The following GRB10 variants were observed in gnomAD, a reference collection of about 807,000 sequenced individuals.
GRB10 encodes the protein growth factor receptor bound protein 10, also known as growth factor receptor-bound protein 10.
Under a neutral mutation model 80.9 loss-of-function variants are expected in GRB10, and 20 were observed. That is an observed-to-expected ratio of 0.25 (90% CI 0.17 to 0.36). The LOEUF (loss-of-function observed/expected upper bound fraction) is 0.36. Ranked by LOEUF, GRB10 falls within the 10% of genes least tolerant of loss-of-function variation. The probability of loss-of-function intolerance (pLI) is 1.00; values close to 1 mark genes in which losing one functional copy is unlikely to be tolerated. For missense variants in GRB10, 548 were observed against 747.7 expected, an observed-to-expected ratio of 0.73 and a Z score of 3.12; for synonymous variants, 291 against 291.5, an observed-to-expected ratio of 1.00 and a Z score of 0.02.
chr7:50,669,419 G>C (rs1361149429), intron 7 of GRB10, among the ~76,000 whole-genome samples: 1 of 152,130 alleles, frequency 6.6e-6, no homozygotes, highest in Non-Finnish European at 1.5e-5. Context: ...GATCTCGTGA[G>C]AACTTACTAT....
chr7:50,745,614 A>G (rs989511280), intron 3 of GRB10, among the ~76,000 whole-genome samples: 1 of 152,246 alleles, frequency 6.6e-6, no homozygotes, highest in African/African-American at 2.4e-5. Context: ...GCCTAAAAAT[A>G]GTGAATTTCA....
Position 50,604,439 on chromosome 7 carries a change from A to G in GRB10, c.1390-62T>C, listed in dbSNP as rs114852605. ...AGACAGACACACCAAGTCACCCAAT[A>G]TGTCCAAGCTCATGGCAGGCCACTG... On this transcript the variant is annotated intron_variant, in intron 15 of 18. Transcript: ENST00000401949. 3.3e-3 allele frequency: 4,558 copies of G among 1,385,844 alleles called. 106 individuals carry two copies. In the African/African-American group the frequency reaches 0.052, roughly 16 times the overall value. The allele number at this position is 1,385,844 out of a possible 1,614,324, so 85.8% of individuals were successfully genotyped here.
At chr7:50,669,559 G>A (rs1354006514) in intron 7 of GRB10, among the ~76,000 whole-genome samples, 163 bp downstream of exon 7, 1 of 152,152 alleles carries the variant, frequency 6.6e-6, no homozygotes, top group African/African-American at 2.4e-5. Flanking sequence ...AAACTGTATC[G>A]GCCTCATAGG....
chr7:50,603,866 C>T (rs568670092), intron 17 of GRB10, 132 bp downstream of exon 17: 42 of 847,064 alleles, frequency 5.0e-5, no homozygotes, highest in Non-Finnish European at 7.6e-5. Flanking sequence ...TCTAGCCTAC[C>T]TTTTCTCCTC....
At chr7:50,649,993 G>T (rs1476866579) in intron 7 of GRB10, among the ~76,000 whole-genome samples, 1 of 152,184 alleles carries the variant, frequency 6.6e-6, no homozygotes, top group African/African-American at 2.4e-5. Flanking sequence ...TGAGCAGAGA[G>T]ATGGCATCTG....
intron 3 of GRB10, among the ~76,000 whole-genome samples, chr7:50,744,141 T>C (rs2072411638): frequency 6.6e-6 from 1 of 151,848 alleles, no homozygotes. Context: ...AGACACACTG[T>C]GGAACAGGTC....
rs1563177997 is a variant in GRB10 at position 50,619,232 on chromosome 7, T to C, written c.715A>G (p.Ser239Gly). 1 of 1,613,862 alleles carries C rather than the reference T, an allele frequency of 6.2e-7. No individual in the cohort carries two copies. Among genetic ancestry groups the C allele is most frequent in the Non-Finnish European group, 8.5e-7 (1 of 1,179,870 alleles). ...TTCCTGAATAGAAATTTACTCTCACTGGCCATGGTACTCTCCACCTGGACC... is the reference window on the plus strand; with the variant it reads ...TTCCTGAATAGAAATTTACTCTCACCGGCCATGGTACTCTCCACCTGGACC... ...LVVQVESTMA[S>G]ESKFLFRKNY... Residue 239 changes from serine (S) to glycine (G), a missense_variant, in exon 9 of 19, where the codon AGT (serine) becomes GGT (glycine). Coordinates refer to ENST00000401949, the MANE Select transcript of GRB10 (RefSeq NM_001350814.2).
intron 18 of GRB10, among the ~76,000 whole-genome samples, chr7:50,594,129 G>A (rs7793022): frequency 0.19 from 28,380 of 152,172 alleles, 3,035 homozygotes; most frequent in East Asian, 0.46. Flanking sequence ...CCCTAGGACA[G>A]TAATTCCTGT....
chr7:50,648,797 C>T (rs1466336015), intron 7 of GRB10, among the ~76,000 whole-genome samples: 7 of 152,148 alleles, frequency 4.6e-5, no homozygotes, highest in African/African-American at 1.7e-4. Context: ...GTCCCAGGTC[C>T]TTTTCTTTGA....
chr7:50,792,581 C>A (rs1285053901), intron 1 of GRB10: 3 of 398,048 alleles, frequency 7.5e-6, no homozygotes, highest in South Asian at 1.3e-4. Flanking sequence ...GGCTGGCGGG[C>A]GGCTAATCCG....
At chr7:50,739,320 C>T (rs1237624579) in intron 3 of GRB10, among the ~76,000 whole-genome samples, 2 of 152,226 alleles carry the variant, frequency 1.3e-5, no homozygotes, top group Non-Finnish European at 2.9e-5. Flanking sequence ...ACTCTAGAGT[C>T]TAGCAGACTG....
chr7:50,595,582 ATC>A (rs67197412), intron 17 of GRB10, 52 bp from the exon 18 acceptor site: 82,831 of 820,358 alleles, frequency 0.1, 5,345 homozygotes, highest in South Asian at 0.13. Flanking sequence ...TCTGGAACTA[ATC>A]ACACACACAC....
chr7:50,691,990 C>T (rs183328031), intron 5 of GRB10, among the ~76,000 whole-genome samples: 1 of 152,236 alleles, frequency 6.6e-6, no homozygotes, highest in East Asian at 1.9e-4. Flanking sequence ...ATACAGTTAG[C>T]CCCCCATATC....
At chr7:50,792,253 CTT>C (rs556439911) in intron 1 of GRB10, among the ~76,000 whole-genome samples, 5 of 151,124 alleles carry the variant, frequency 3.3e-5, no homozygotes, top group Admixed American at 6.6e-5. Flanking sequence ...CCCCCCATCT[CTT>C]GAATGAAACT....
chr7:50,705,194 A>G, intron 4 of GRB10: 1 of 985,722 alleles, frequency 1.0e-6, no homozygotes, highest in Non-Finnish European at 1.2e-6. Context: ...GACCACTCAC[A>G]ATGGGGGGAA....
At chr7:50,682,865 A>G (rs139635734) in intron 5 of GRB10, among the ~76,000 whole-genome samples, 63 of 152,358 alleles carry the variant, frequency 4.1e-4, no homozygotes, top group African/African-American at 1.5e-3. Flanking sequence ...AAATGTTGCA[A>G]TGGGGAAATT....
At chr7:50,682,378 G>A (rs1018139130) in intron 5 of GRB10, among the ~76,000 whole-genome samples, 10 of 152,226 alleles carry the variant, frequency 6.6e-5, no homozygotes, top group African/African-American at 2.4e-4. Context: ...CAGGCTCTGG[G>A]ATTTAGGTGG....
At chr7:50,617,755 G>A (rs376161192) in intron 10 of GRB10, 50 of 447,886 alleles carry the variant, frequency 1.1e-4, no homozygotes, top group Admixed American at 1.9e-4. Flanking sequence ...GGAGCCCTGA[G>A]ACTGGGGTTT....
chr7:50,726,117 G>A (rs147867763), intron 4 of GRB10: 66 of 152,312 alleles, frequency 4.3e-4, no homozygotes, highest in African/African-American at 1.5e-3. Context: ...ACACAGGCTG[G>A]GTGCAGTGGC....
Sources: allele counts gnomAD v4.1 joint callset (sites outside exome capture counted in the v4.1 genomes callset), GRCh38; gene constraint gnomAD v4.1.1; transcripts MANE v1.5; gene names NCBI Gene and HGNC (gene_info 2026-07-23, HGNC 2026-07-21).